Variants in FBN3 observed in about 807,000 individuals in gnomAD.
FBN3 encodes the protein fibrillin 3, also known as fibrillin-3.
A neutral mutation model predicts 330.1 loss-of-function variants in FBN3; 234 were observed. That is an observed-to-expected ratio of 0.71 (90% CI 0.64 to 0.79). FBN3 has a LOEUF of 0.79. Among genes scored for constraint, FBN3 ranks in the 30% least tolerant of loss-of-function variants. The pLI is 0.00. For synonymous variants in FBN3, 1,458 were observed against 1,517.3 expected, an observed-to-expected ratio of 0.96 and a Z score of 0.91; for missense variants, 3,606 against 3,886.9, an observed-to-expected ratio of 0.93 and a Z score of 1.92.
intron 8 of FBN3, among the ~76,000 whole-genome samples, chr19:8,141,020 G>A (rs1402394744): frequency 1.3e-5 from 2 of 151,404 alleles, no homozygotes; most frequent in Admixed American, 6.6e-5. Flanking sequence ...GTGAAACCCC[G>A]TCTCTACTAA....
rs777314480 is a variant in FBN3 at position 8,103,514 on chromosome 19, G to C, written c.4939+48C>G. On this transcript the variant is annotated intron_variant, in intron 39 of 63. Transcript: ENST00000600128. ...CTCCCAGCAGTTCCTCCCATGCCCA[G>C]GTGCTGCTTCTGTGACTGCCAGTTC... 28 of 1,594,308 alleles carry C rather than the reference G, an allele frequency of 1.8e-5. 1 individual carries two copies. The East Asian group carries it at 6.3e-4, about 36-fold the overall frequency.
At chr19:8,083,223 G>A in intron 57 of FBN3, 24 bp downstream of exon 57, 3 of 1,613,584 alleles carry the variant, frequency 1.9e-6, no homozygotes, top group Non-Finnish European at 2.5e-6. Context: ...GGCCAAGGGT[G>A]CAGGTGCAGA....
intron 42 of FBN3, 121 bp from the exon 43 acceptor site, chr19:8,097,127 G>A (rs2082227911): frequency 6.7e-7 from 1 of 1,488,824 alleles, no homozygotes; most frequent in East Asian, 2.3e-5. Context: ...CAGAGCTGGA[G>A]TAAGGGTGGT....
chr19:8,101,533 G>A (rs578030097), intron 40 of FBN3, among the ~76,000 whole-genome samples: 73 of 152,258 alleles, frequency 4.8e-4, no homozygotes, highest in African/African-American at 1.7e-3. Flanking sequence ...CATCCTGACC[G>A]ATGTTCCCAT....
intron 63 of FBN3, among the ~76,000 whole-genome samples, chr19:8,066,751 C>T (rs1243632395): frequency 1.3e-5 from 2 of 152,052 alleles, no homozygotes; most frequent in African/African-American, 2.4e-5. Flanking sequence ...TGGTGGCGGG[C>T]GCCTGTAGTC....
At chr19:8,123,371 A>C (rs1467820597) in intron 24 of FBN3, 93 bp downstream of exon 24, 7 of 1,358,040 alleles carry the variant, frequency 5.2e-6, no homozygotes, top group Non-Finnish European at 7.0e-6. Context: ...AAAAAGAAGA[A>C]GAAAAAGAAC....
In FBN3 at chr19:8,149,438, C is replaced by A. The variant is rs1190916413; in HGVS notation, c.-18+11G>T. 1.3e-5 allele frequency: 2 copies of A among 152,018 alleles called. No individual in the cohort carries two copies. The highest frequency in any genetic ancestry group is 3.9e-4 in the East Asian group (2 of 5,182). The allele number at this position is 152,018 out of a possible 1,614,324, so 9.4% of individuals were successfully genotyped here. A position where few individuals can be genotyped will look rare whatever the true frequency, so the allele number is the denominator to read the frequency against. ...ATCTCGCCCCGCCGCTGGCCCCGCGCCTTCACCTACCTGCGAGGCGGCGCG... is the reference window on the plus strand; with the variant it reads ...ATCTCGCCCCGCCGCTGGCCCCGCGACTTCACCTACCTGCGAGGCGGCGCG... On this transcript the variant is annotated intron_variant, in intron 1 of 63. Transcript: ENST00000600128. The surrounding 1 kb of genome is among the most constrained non-coding windows in gnomAD (Gnocchi z 5.5).
At chr19:8,092,185 A>G (rs1321642792) in intron 47 of FBN3, among the ~76,000 whole-genome samples, 1 of 151,798 alleles carries the variant, frequency 6.6e-6, no homozygotes, top group Non-Finnish European at 1.5e-5. Flanking sequence ...CTCAAAAAAA[A>G]AAAACCAAAA....
At chr19:8,103,806 T>G in intron 38 of FBN3, 119 bp from the exon 39 acceptor site, 1 of 984,354 alleles carries the variant, frequency 1.0e-6, no homozygotes, top group Non-Finnish European at 1.5e-6. Flanking sequence ...GGTTTCAAAA[T>G]CAGTTTAAAA....
In FBN3 at chr19:8,103,615, G is replaced by A. The variant is rs376299515; in HGVS notation, c.4886C>T (p.Thr1629Ile). 616 of 1,613,690 alleles carry A rather than the reference G, an allele frequency of 3.8e-4. No homozygotes were observed. Among genetic ancestry groups the A allele is most frequent in the Non-Finnish European group, 4.7e-4 (557 of 1,179,792 alleles). ...GTCYNTLGNY[T>I]CVCPAEYLQV... Reference sequence around the variant, plus strand: ...GAGGTACTCTGCAGGGCAGACACAGGTGTAGTTCCCCAGGGTGTTGTAGCA... The same window carrying A: ...GAGGTACTCTGCAGGGCAGACACAGATGTAGTTCCCCAGGGTGTTGTAGCA... The change falls in exon 39 of 64, where the codon ACC (threonine) becomes ATC (isoleucine). Residue 1629 changes from threonine (T) to isoleucine (I), a missense_variant. Physicochemically the swap from Thr to Ile is moderately conservative, Grantham distance 89 (BLOSUM62 -1). Coordinates refer to ENST00000600128, the MANE Select transcript of FBN3 (RefSeq NM_032447.5).
chr19:8,074,551 A>G (rs868636395), intron 61 of FBN3, among the ~76,000 whole-genome samples: 1 of 151,438 alleles, frequency 6.6e-6, no homozygotes, highest in African/African-American at 2.4e-5. Context: ...TAGAGGGTGA[A>G]AGCTGCACTG....
chr19:8,114,768 G>A (rs1268993525), intron 30 of FBN3, among the ~76,000 whole-genome samples: 4 of 151,310 alleles, frequency 2.6e-5, no homozygotes, highest in Non-Finnish European at 4.4e-5. Context: ...TTGAGACGGA[G>A]TCTGGCTCTG....
Position 8,135,498 on chromosome 19 carries a change from G to A in FBN3, c.1591+463C>T, listed in dbSNP as rs574668510. Among the ~76,000 whole-genome samples the A allele has an allele frequency of 1.0e-3, 127 of 124,630 alleles. 1 individual carries two copies. The East Asian group carries it at 0.023, about 22-fold the overall frequency. 81.8% of individuals were successfully genotyped at this position (124,630 alleles called of 152,430 possible). A position where few individuals can be genotyped will look rare whatever the true frequency, so the allele number is the denominator to read the frequency against. The stretch of plus-strand genomic sequence containing the variant: ...TCACCGTGTTGGTCAGGCTGGTCTC[G>A]AACTCCTGACCTCGGCCTCCCAAAG... On this transcript the variant is annotated intron_variant, in intron 13 of 63. Transcript: ENST00000600128.
chr19:8,108,907 C>A lies in FBN3; in HGVS notation c.4618+320G>T, dbSNP rs571690644. On this transcript the variant is annotated intron_variant, in intron 36 of 63. Transcript: ENST00000600128. ...TTAAGGGTGAGGGAGAAGCAGCGTGCAGAGGCTGTGGCTCATCCTTCTCTG... is the reference window on the plus strand; with the variant it reads ...TTAAGGGTGAGGGAGAAGCAGCGTGAAGAGGCTGTGGCTCATCCTTCTCTG... 3.9e-5 allele frequency among the ~76,000 whole-genome samples: 6 copies of A among 152,270 alleles called. No homozygotes were observed. The South Asian group carries it at 1.2e-3, about 32-fold the overall frequency.
In FBN3 at chr19:8,111,756, C is replaced by T. The variant is rs12975322; in HGVS notation, c.3976G>A (p.Val1326Ile). 396,885 of 1,612,612 alleles carry T rather than the reference C, an allele frequency of 0.25. 50,968 individuals carry two copies. The highest frequency in any genetic ancestry group is 0.47 in the East Asian group (20,839 of 44,774). Residue 1326 changes from valine to isoleucine, a missense_variant, in exon 32 of 64, where the codon GTC becomes ATC. Physicochemically the swap from Val to Ile is conservative, Grantham distance 29 (BLOSUM62 3). Transcript: ENST00000600128. The stretch of plus-strand genomic sequence containing the variant: ...GGGCTGCACCGGTGCTCCTGGGAGA[C>T]GCATTCATCCAGGTCTGCAGGAGAT... ...GFECHDLDEC[V>I]SQEHRCSPRG...
Position 8,096,175 on chromosome 19 carries a change from G to A in FBN3, c.5540-95C>T, listed in dbSNP as rs1458138623. 2 of 992,652 alleles carry A rather than the reference G, an allele frequency of 2.0e-6. No homozygotes were observed. Among genetic ancestry groups the A allele is most frequent in the Non-Finnish European group, 3.2e-6 (2 of 620,790 alleles). 61.5% of individuals were successfully genotyped at this position (992,652 alleles called of 1,614,324 possible). A position where few individuals can be genotyped will look rare whatever the true frequency, so the allele number is the denominator to read the frequency against. On this transcript the variant is annotated intron_variant, in intron 44 of 63. Coordinates refer to ENST00000600128, the MANE Select transcript of FBN3 (RefSeq NM_032447.5). This position sits in a 1 kb window ranked among gnomAD's most constrained non-coding sequence, Gnocchi z 4.6. Reference sequence around the variant, plus strand: ...CAGCTGGACCTAGCACTCCTCCCCTGCACCTAGCCCTGCCTAGATGACTGG... The same window carrying A: ...CAGCTGGACCTAGCACTCCTCCCCTACACCTAGCCCTGCCTAGATGACTGG...
Position 8,117,549 on chromosome 19 carries a change from A to T in FBN3, c.3378T>A (p.His1126Gln), listed in dbSNP as rs2082734675. The part of the protein sequence containing the change: ...ECSLSDGLCP[H>Q]GQCVNVIGAF... Reference sequence around the variant, plus strand: ...CACCGATGACATTGACACACTGGCCATGGGGACACAGGCCATCACTCAGGG... The same window carrying T: ...CACCGATGACATTGACACACTGGCCTTGGGGACACAGGCCATCACTCAGGG... The change falls in exon 27 of 64, where the codon CAT (histidine) becomes CAA (glutamine). Residue 1126 changes from histidine (H) to glutamine (Q), a missense_variant. Physicochemically the swap from His to Gln is conservative, Grantham distance 24 (BLOSUM62 0). Coordinates refer to ENST00000600128, the MANE Select transcript of FBN3 (RefSeq NM_032447.5). 6 of 1,557,504 alleles carry T rather than the reference A, an allele frequency of 3.9e-6. No homozygotes were observed. The highest frequency in any genetic ancestry group is 5.2e-6 in the Non-Finnish European group (6 of 1,150,298).
In FBN3 at chr19:8,125,967, C is replaced by A; in HGVS notation, c.2656G>T (p.Val886Phe). ...CAGCGGAAAGACCCAGCAGTGTTGA[C>A]GCAACGCCCGTTGGGACAGACTCCC... ...FPGVCPNGRC[V>F]NTAGSFRCEC... Residue 886 changes from valine (V) to phenylalanine (F), a missense_variant, in exon 22 of 64, where the codon GTC becomes TTC. Transcript: ENST00000600128. The A allele has an allele frequency of 6.2e-7, 1 of 1,613,848 alleles. No homozygotes were observed. The highest frequency in any genetic ancestry group is 1.3e-5 in the African/African-American group (1 of 74,998).
rs62124736 is a variant in FBN3, at chr19:8,094,547, C to T, written c.5804G>A (p.Ser1935Asn). 1 of 1,613,802 alleles carries T rather than the reference C, an allele frequency of 6.2e-7. No individual in the cohort carries two copies. The highest frequency in any genetic ancestry group is 2.2e-5 in the East Asian group (1 of 44,872). Reference protein sequence around the residue: ...KNCVDTNECLSLAGTCLPGTC... With the variant: ...KNCVDTNECLNLAGTCLPGTC... ...GCCGGGTAGGCAGGTTCCTGCAAGG[C>T]TGAGGCACTCATTGGTGTCTGTGAA... Residue 1935 changes from serine to asparagine, a missense_variant, in exon 47 of 64, where the codon AGC (serine) becomes AAC (asparagine). Ser to Asn is a conservative substitution (Grantham distance 46). Transcript: ENST00000600128.
Sources: allele counts gnomAD v4.1 joint callset (sites outside exome capture counted in the v4.1 genomes callset), GRCh38; gene constraint gnomAD v4.1.1; non-coding constraint Gnocchi (gnomAD v3.1); transcripts MANE v1.5; gene names NCBI Gene and HGNC (gene_info 2026-07-23, HGNC 2026-07-21).